Variants in APLP2 observed in about 807,000 individuals in gnomAD.
The protein encoded by APLP2 is amyloid beta precursor like protein 2, also known as CDEI box-binding protein.
Under a neutral mutation model 89.9 loss-of-function variants are expected in APLP2, and 53 were observed. That is an observed-to-expected ratio of 0.59 (90% CI 0.47 to 0.74). The LOEUF (loss-of-function observed/expected upper bound fraction) is 0.74, where lower values mean the gene tolerates loss of function less well. APLP2 is among the 30% of genes least tolerant of loss of function. APLP2 has a pLI of 0.00. For synonymous variants in APLP2, 372 were observed against 348.6 expected, an observed-to-expected ratio of 1.07 and a Z score of -0.75; for missense variants, 973 against 975.9, an observed-to-expected ratio of 1.00 and a Z score of 0.04.
At chr11:130,096,538 C>G (rs1254270171) in intron 1 of APLP2, among the ~76,000 whole-genome samples, 4 of 152,052 alleles carry the variant, frequency 2.6e-5, no homozygotes, top group Non-Finnish European at 5.9e-5. Flanking sequence ...GGCAATATAG[C>G]GAGACCTCAT....
At chr11:130,130,307 C>A in intron 11 of APLP2, 141 bp downstream of exon 11, 1 of 1,165,514 alleles carries the variant, frequency 8.6e-7, no homozygotes, top group Non-Finnish European at 1.2e-6. Context: ...CGAAGACATT[C>A]GGTACGTGAA....
intron 3 of APLP2, among the ~76,000 whole-genome samples, chr11:130,120,267 A>G (rs1329406445): frequency 3.3e-5 from 5 of 152,172 alleles, no homozygotes; most frequent in Non-Finnish European, 7.3e-5. Flanking sequence ...CAATTATTAC[A>G]TCATGTTTTG....
At chr11:130,094,089 T>C (rs1259956835) in intron 1 of APLP2, among the ~76,000 whole-genome samples, 1 of 145,862 alleles carries the variant, frequency 6.9e-6, no homozygotes, top group African/African-American at 2.6e-5. Flanking sequence ...GTTTCTCTCT[T>C]GTAGCCCAGG....
chr11:130,115,104 A>C (rs940276402), intron 3 of APLP2, among the ~76,000 whole-genome samples: 2 of 152,160 alleles, frequency 1.3e-5, no homozygotes, highest in Non-Finnish European at 2.9e-5. Context: ...ACCTCATTAC[A>C]TAAGGCTGTT....
chr11:130,094,519 G>T (rs1945930485), intron 1 of APLP2, among the ~76,000 whole-genome samples: 1 of 152,216 alleles, frequency 6.6e-6, no homozygotes, highest in African/African-American at 2.4e-5. Context: ...AAAAAACCCA[G>T]ACCTGCACAA....
chr11:130,142,111 G>A (rs759917443), intron 16 of APLP2, 37 bp downstream of exon 16: 26 of 1,571,352 alleles, frequency 1.7e-5, no homozygotes, highest in Admixed American at 7.1e-5. Flanking sequence ...GCTCTGCACT[G>A]TGGGCTGGGT....
chr11:130,105,148 C>A (rs1056240533), intron 1 of APLP2, among the ~76,000 whole-genome samples: 2 of 152,324 alleles, frequency 1.3e-5, no homozygotes, highest in African/African-American at 4.8e-5. Context: ...CGTAGTATCT[C>A]ATGCTTAGGA....
At chr11:130,136,089 G>A (rs1029377196) in intron 13 of APLP2, among the ~76,000 whole-genome samples, 1 of 152,164 alleles carries the variant, frequency 6.6e-6, no homozygotes, top group Non-Finnish European at 1.5e-5. Context: ...GAGAGGCTGA[G>A]GAGGTGACAG....
Position 130,070,829 on chromosome 11 carries a change from T to C in APLP2, c.105+747T>C, listed in dbSNP as rs140624155. The C allele has an allele frequency of 1.7e-3, 1,995 of 1,193,512 alleles. 52 individuals carry two copies. In the East Asian group the frequency reaches 0.058, roughly 35 times the overall value. 73.9% of individuals were successfully genotyped at this position (1,193,512 alleles called of 1,614,324 possible). On this transcript the variant is annotated intron_variant, in intron 1 of 16. Coordinates refer to ENST00000338167, the MANE Select transcript of APLP2 (RefSeq NM_001142276.2). ...GTGTAAACTGTTGGAAAAATCGTCC[T>C]CTTCGGGTGTCAGAATTCCATCAGT...
chr11:130,112,162 C>T (rs1369632687), intron 3 of APLP2, among the ~76,000 whole-genome samples: 1 of 152,244 alleles, frequency 6.6e-6, no homozygotes, highest in African/African-American at 2.4e-5. Flanking sequence ...GCAAAACTCA[C>T]AGGGCATTCC....
At chr11:130,133,184 A>G (rs538463539) in intron 11 of APLP2, among the ~76,000 whole-genome samples, 32 of 150,492 alleles carry the variant, frequency 2.1e-4, no homozygotes, top group African/African-American at 7.8e-4. Flanking sequence ...GTGCAGTAGC[A>G]CAGTCATAGC....
intron 9 of APLP2, among the ~76,000 whole-genome samples, chr11:130,128,306 A>T (rs1950588881): frequency 6.6e-6 from 1 of 152,240 alleles, no homozygotes; most frequent in Admixed American, 6.5e-5. Flanking sequence ...AGGAATAGGG[A>T]TAGCAATTTC....
intron 1 of APLP2, among the ~76,000 whole-genome samples, chr11:130,105,398 G>A (rs1435126755): frequency 6.6e-6 from 1 of 151,998 alleles, no homozygotes; most frequent in Non-Finnish European, 1.5e-5. Flanking sequence ...GTGGGTGACA[G>A]AGCAAGACCC....
chr11:130,101,825 C>CT, intron 1 of APLP2: 1 of 417,610 alleles, frequency 2.4e-6, no homozygotes, highest in South Asian at 1.8e-5. Context: ...ACTTACAGAC[C>CT]TTATTCAAAT....
chr11:130,081,797 T>C (rs1290619029), intron 1 of APLP2, among the ~76,000 whole-genome samples: 1 of 152,218 alleles, frequency 6.6e-6, no homozygotes. Flanking sequence ...CTTTTATAAC[T>C]GAACATGTAT....
intron 7 of APLP2, among the ~76,000 whole-genome samples, chr11:130,125,024 T>C (rs1042000486): frequency 6.6e-6 from 1 of 152,234 alleles, no homozygotes; most frequent in African/African-American, 2.4e-5. Context: ...TCCCGTTTGC[T>C]GTGGCTTGGA....
chr11:130,116,612 A>AG (rs1327806487), intron 3 of APLP2, among the ~76,000 whole-genome samples: 2 of 151,954 alleles, frequency 1.3e-5, no homozygotes, highest in Non-Finnish European at 2.9e-5. Context: ...CTGAGATTAC[A>AG]GGCATTCGCC....
At chr11:130,083,021 CTTTTCTTTTTTTTTTT>C (rs1321270858) in intron 1 of APLP2, among the ~76,000 whole-genome samples, 10 of 79,980 alleles carry the variant, frequency 1.3e-4, no homozygotes, top group African/African-American at 4.1e-4. Context: ...TGAAACTTTT[CTTTTCTTTTTTTTTTT>C]TTTTTTTTTT....
At position 130,119,634 on chromosome 11, in the gene APLP2, A is replaced by G. The variant is rs1341193278; in HGVS notation, c.404-1072A>G. Among the ~76,000 whole-genome samples the G allele has an allele frequency of 2.0e-5, 3 of 152,216 alleles. No individual in the cohort carries two copies. The East Asian group carries it at 5.8e-4, about 29-fold the overall frequency. ...ATCTTTCTCCCGACTTTTTGGGACA[A>G]GTTTTAGAAAATGTAATAGTGAATA... On this transcript the variant is annotated intron_variant, in intron 3 of 16. Transcript: ENST00000338167.
Sources: allele counts gnomAD v4.1 joint callset (sites outside exome capture counted in the v4.1 genomes callset), GRCh38; gene constraint gnomAD v4.1.1; transcripts MANE v1.5; gene names NCBI Gene and HGNC (gene_info 2026-07-23, HGNC 2026-07-21).